ULK4: variants seen among roughly 807,000 people sequenced by gnomAD.
ULK4 encodes the protein inactive serine/threonine-protein kinase ULK4.
In ULK4, 133 loss-of-function variants were observed where a neutral mutation model predicts 160.6. That is an observed-to-expected ratio of 0.83 (90% CI 0.72 to 0.96). ULK4 has a LOEUF of 0.96. Among genes scored for constraint, ULK4 ranks in the 40% least tolerant of loss-of-function variants. The pLI, the probability that ULK4 is intolerant of heterozygous loss-of-function variation, is 0.00. For missense variants in ULK4, 1,580 were observed against 1,499.5 expected, an observed-to-expected ratio of 1.05 and a Z score of -0.89; for synonymous variants, 534 against 539.8, an observed-to-expected ratio of 0.99 and a Z score of 0.15.
At chr3:41,496,559 G>A (rs2084998968) in intron 32 of ULK4, among the ~76,000 whole-genome samples, 2 of 152,020 alleles carry the variant, frequency 1.3e-5, no homozygotes, top group African/African-American at 4.8e-5. Context: ...GGAGTTTGCT[G>A]AGGGAGCGAC....
At chr3:41,382,869 G>C (rs1204412550) in intron 35 of ULK4, among the ~76,000 whole-genome samples, 2 of 151,794 alleles carry the variant, frequency 1.3e-5, no homozygotes, top group Non-Finnish European at 2.9e-5. Context: ...ATCTTGCTAA[G>C]GAAAGAGATA....
At chr3:41,641,343 C>T (rs1282813883) in intron 30 of ULK4, among the ~76,000 whole-genome samples, 2 of 152,012 alleles carry the variant, frequency 1.3e-5, no homozygotes, top group Non-Finnish European at 2.9e-5. Flanking sequence ...GCTAAGTTGT[C>T]GAGGTAATAA....
intron 32 of ULK4, among the ~76,000 whole-genome samples, chr3:41,562,770 A>G (rs965974628): frequency 1.1e-4 from 16 of 151,770 alleles, no homozygotes; most frequent in African/African-American, 2.7e-4. Flanking sequence ...ATGTGAGATG[A>G]GTCTCCTGAA....
At chr3:41,672,513 AG>A (rs2035575874) in intron 29 of ULK4, among the ~76,000 whole-genome samples, 2 of 152,174 alleles carry the variant, frequency 1.3e-5, no homozygotes. Flanking sequence ...ACATAGTTAG[AG>A]GGTGGAATGA....
At chr3:41,747,923 A>C (rs1448563844) in intron 22 of ULK4, among the ~76,000 whole-genome samples, 1 of 152,180 alleles carries the variant, frequency 6.6e-6, no homozygotes, top group Non-Finnish European at 1.5e-5. Flanking sequence ...CTCTGTTATG[A>C]CAGCCTGAGC....
chr3:41,568,864 T>C (rs1428301476), intron 31 of ULK4, among the ~76,000 whole-genome samples: 3 of 152,156 alleles, frequency 2.0e-5, no homozygotes, highest in Non-Finnish European at 4.4e-5. Flanking sequence ...ACACCCTCCT[T>C]CCCACTTCAA....
At position 41,480,411 on chromosome 3, in the gene ULK4, C is replaced by T. The variant is rs575559266; in HGVS notation, c.3227-17158G>A. On this transcript the variant is annotated intron_variant, in intron 32 of 36. Coordinates refer to ENST00000301831, the MANE Select transcript of ULK4 (RefSeq NM_017886.4). ...AAGAATACAGTTGACCCCTGAACAA[C>T]ATGGGTTTGAACTATATCCACTTGA... 1.8e-4 allele frequency among the ~76,000 whole-genome samples: 27 copies of T among 152,054 alleles called. 1 individual carries two copies. In the East Asian group the frequency reaches 5.2e-3, roughly 29 times the overall value.
At chr3:41,437,454 A>C (rs1333001546) in intron 34 of ULK4, among the ~76,000 whole-genome samples, 1 of 152,210 alleles carries the variant, frequency 6.6e-6, no homozygotes, top group Non-Finnish European at 1.5e-5. Context: ...CCTCATAGGG[A>C]AAATGTTGGG....
chr3:41,425,947 A>C (rs753618222), intron 34 of ULK4, among the ~76,000 whole-genome samples: 2 of 152,218 alleles, frequency 1.3e-5, no homozygotes, highest in Admixed American at 6.5e-5. Flanking sequence ...CTTAAATGTA[A>C]AACAGCATAA....
chr3:41,377,477 G>C (rs1352881162), intron 35 of ULK4, among the ~76,000 whole-genome samples: 1 of 150,192 alleles, frequency 6.7e-6, no homozygotes, highest in Non-Finnish European at 1.5e-5. Context: ...CTACTCATCT[G>C]ACAAAGGGCT....
chr3:41,835,976 A>AAAT lies in ULK4; in HGVS notation c.1657-6_1657-5insATT. 1 of 1,508,526 alleles carries AAAT rather than the reference A, an allele frequency of 6.6e-7. No individual in the cohort carries two copies. Among genetic ancestry groups the AAAT allele is most frequent in the Non-Finnish European group, 9.0e-7 (1 of 1,113,582 alleles). The allele number at this position is 1,508,526 out of a possible 1,614,324, so 93.4% of individuals were successfully genotyped here. A position where few individuals can be genotyped will look rare whatever the true frequency, so the allele number is the denominator to read the frequency against. ...TTCAGTTAAGAGAACAATTGCCTGCAAAGACAAAAAAAAAAAAAGTAAATT... is the reference window on the plus strand; with the variant it reads ...TTCAGTTAAGAGAACAATTGCCTGCAAATAAGACAAAAAAAAAAAAAGTAAATT... On this transcript the variant is annotated splice_polypyrimidine_tract_variant and splice_region_variant and intron_variant, in intron 17 of 36. Transcript: ENST00000301831.
chr3:41,803,483 T>TTA (rs2040532792), intron 19 of ULK4, among the ~76,000 whole-genome samples: 7 of 151,920 alleles, frequency 4.6e-5, no homozygotes, highest in East Asian at 3.9e-4. Context: ...AGCTTTCTTT[T>TTA]TTATTATTAT....
intron 21 of ULK4, among the ~76,000 whole-genome samples, chr3:41,759,772 C>T (rs2038925313): frequency 6.6e-6 from 1 of 152,052 alleles, no homozygotes; most frequent in South Asian, 2.1e-4. Context: ...ATGATAGACA[C>T]ATAGAACAAG....
intron 32 of ULK4, among the ~76,000 whole-genome samples, chr3:41,565,424 T>C (rs750109944): frequency 6.6e-6 from 1 of 152,178 alleles, no homozygotes; most frequent in African/African-American, 2.4e-5. Context: ...TATAATGGCA[T>C]TAAGAGGATG....
chr3:41,430,978 C>T (rs2082890070), intron 34 of ULK4, among the ~76,000 whole-genome samples: 1 of 152,184 alleles, frequency 6.6e-6, no homozygotes, highest in African/African-American at 2.4e-5. Flanking sequence ...AGTCCCACTT[C>T]TAAAGACACC....
chr3:41,395,359 A>C (rs1452644915), intron 35 of ULK4, among the ~76,000 whole-genome samples: 1 of 152,162 alleles, frequency 6.6e-6, no homozygotes, highest in Non-Finnish European at 1.5e-5. Context: ...TAAATGGGAC[A>C]GAAAAGGTGG....
At chr3:41,379,845 G>A (rs1338232451) in intron 35 of ULK4, among the ~76,000 whole-genome samples, 2 of 152,176 alleles carry the variant, frequency 1.3e-5, no homozygotes, top group African/African-American at 4.8e-5. Flanking sequence ...TGGGATCATA[G>A]GTTTGCTATG....
intron 33 of ULK4, among the ~76,000 whole-genome samples, chr3:41,460,526 T>C (rs965020233): frequency 3.9e-5 from 6 of 152,168 alleles, no homozygotes; most frequent in African/African-American, 1.2e-4. Context: ...CTTTCTCCCT[T>C]GATTCCTGCT....
At chr3:41,737,217 A>C (rs895496024) in intron 22 of ULK4, among the ~76,000 whole-genome samples, 4 of 151,952 alleles carry the variant, frequency 2.6e-5, no homozygotes, top group Admixed American at 2.6e-4. Flanking sequence ...TTATACACCA[A>C]TAACAGACAA....
Sources: gnomAD v4.1 joint callset for allele counts (sites outside exome capture counted in the v4.1 genomes callset) on GRCh38, gnomAD v4.1.1 for gene constraint, MANE v1.5 for transcripts, NCBI Gene and HGNC (gene_info 2026-07-23, HGNC 2026-07-21) for gene names.